Variants in ADAM32 observed in about 807,000 individuals in gnomAD.
ADAM32 encodes the protein disintegrin and metalloproteinase domain-containing protein 32.
In ADAM32, 89 loss-of-function variants were observed where a neutral mutation model predicts 114.9. The ratio of observed to expected loss-of-function variants is 0.77; its 90% confidence interval spans 0.65 to 0.92. ADAM32 has a LOEUF of 0.92. ADAM32 is among the 40% of genes least tolerant of loss of function. The pLI is 0.00. For synonymous variants in ADAM32, 285 were observed against 307.5 expected (o/e 0.93, Z 0.77); for missense variants, 870 against 932.8 (o/e 0.93, Z 0.88).
chr8:39,151,282 C>T (rs1056567045), intron 5 of ADAM32, 95 bp from the exon 6 acceptor site: 11 of 1,124,074 alleles, frequency 9.8e-6, no homozygotes, highest in Non-Finnish European at 1.2e-5. Context: ...ATACTGGACT[C>T]AAAACGTTTT....
chr8:39,209,226 G>A (rs375254374), intron 11 of ADAM32, among the ~76,000 whole-genome samples: 12 of 151,892 alleles, frequency 7.9e-5, no homozygotes, highest in East Asian at 1.9e-4. Context: ...GTTTGTGCTC[G>A]TGAATTCTTC....
At chr8:39,210,338 C>T (rs1329136326) in intron 11 of ADAM32, among the ~76,000 whole-genome samples, 2 of 152,188 alleles carry the variant, frequency 1.3e-5, no homozygotes, top group African/African-American at 2.4e-5. Flanking sequence ...CATTCCTATG[C>T]TCTTCAATGT....
chr8:39,181,347 C>T (rs1057096677), intron 10 of ADAM32, among the ~76,000 whole-genome samples: 11 of 152,196 alleles, frequency 7.2e-5, no homozygotes, highest in East Asian at 5.8e-4. Context: ...TCACTGCGAA[C>T]GTCTGCAGCT....
At chr8:39,119,630 T>C (rs916857238) in intron 2 of ADAM32, among the ~76,000 whole-genome samples, 2 of 152,216 alleles carry the variant, frequency 1.3e-5, no homozygotes, top group African/African-American at 2.4e-5. Flanking sequence ...GGAATTATTT[T>C]CTCCCAATTT....
In ADAM32 at chr8:39,117,211, G is replaced by C. The variant is rs188016689; in HGVS notation, c.59-875G>C. Among the ~76,000 whole-genome samples the C allele has an allele frequency of 3.3e-5, 5 of 152,222 alleles. No individual in the cohort carries two copies. In the East Asian group the frequency reaches 9.7e-4, roughly 29 times the overall value. On this transcript the variant is annotated intron_variant, in intron 1 of 24. Transcript: ENST00000379907. ...TAAGCAGATTTAAGGAAATCAGTAT[G>C]CTTATGTGATCTTCCTCTTCTTCTG...
Position 39,127,366 on chromosome 8 carries a change from G to A in ADAM32, c.138+9201G>A, listed in dbSNP as rs117783412. 6.8e-3 allele frequency among the ~76,000 whole-genome samples: 1,032 copies of A among 152,190 alleles called. 3 individuals are homozygous for A. Among genetic ancestry groups the A allele is most frequent in the Non-Finnish European group, 0.011 (741 of 68,008 alleles). Reference sequence around the variant, plus strand: ...TGCCTCACTTTCAGAACTTGTTATTGGTCTATTCAGGGATTTAGTTTCTTC... The same window carrying A: ...TGCCTCACTTTCAGAACTTGTTATTAGTCTATTCAGGGATTTAGTTTCTTC... On this transcript the variant is annotated intron_variant, in intron 2 of 24. Coordinates refer to ENST00000379907, the MANE Select transcript of ADAM32 (RefSeq NM_145004.7).
At chr8:39,245,795 T>C (rs1024330760) in intron 16 of ADAM32, among the ~76,000 whole-genome samples, 4 of 152,214 alleles carry the variant, frequency 2.6e-5, no homozygotes, top group African/African-American at 9.6e-5. Flanking sequence ...TAAAACTCTC[T>C]TATTATTTAA....
chr8:39,245,824 T>C (rs967767560), intron 16 of ADAM32, among the ~76,000 whole-genome samples: 12 of 152,210 alleles, frequency 7.9e-5, no homozygotes, highest in Admixed American at 7.9e-4. Flanking sequence ...CTTTTTGTTA[T>C]TGTTTTAATT....
chr8:39,215,977 G>A (rs1156730697), intron 12 of ADAM32, among the ~76,000 whole-genome samples: 1 of 151,952 alleles, frequency 6.6e-6, no homozygotes, highest in Non-Finnish European at 1.5e-5. Flanking sequence ...TGGAAGGTCT[G>A]CTGAGTGCTA....
At chr8:39,141,146 T>A (rs908419292) in intron 3 of ADAM32, among the ~76,000 whole-genome samples, 7 of 152,206 alleles carry the variant, frequency 4.6e-5, no homozygotes, top group African/African-American at 1.7e-4. Context: ...AACCAGCTCC[T>A]GGATTCATTA....
chr8:39,155,165 A>C (rs1804067812), intron 6 of ADAM32, among the ~76,000 whole-genome samples: 1 of 152,252 alleles, frequency 6.6e-6, no homozygotes, highest in Admixed American at 6.5e-5. Flanking sequence ...GAAAACTGAC[A>C]CAAGACAAAG....
At chr8:39,220,902 ATGT>A (rs1473563636) in intron 12 of ADAM32, 4 of 150,750 alleles carry the variant, frequency 2.7e-5, no homozygotes, top group Non-Finnish European at 4.4e-5. Flanking sequence ...GTTTGAAGAA[ATGT>A]TGTGTTAGGT....
intron 16 of ADAM32, among the ~76,000 whole-genome samples, chr8:39,238,398 A>T (rs960250992): frequency 2.6e-5 from 4 of 152,226 alleles, no homozygotes; most frequent in African/African-American, 9.6e-5. Context: ...ACATCAAGGG[A>T]TTACCCTGTG....
chr8:39,225,466 T>G (rs1809296579), intron 14 of ADAM32, among the ~76,000 whole-genome samples: 2 of 152,204 alleles, frequency 1.3e-5, no homozygotes. Flanking sequence ...CTGTGGCTAC[T>G]GCATGGTCAC....
chr8:39,135,168 A>T (rs963183270), intron 2 of ADAM32, among the ~76,000 whole-genome samples: 1 of 152,192 alleles, frequency 6.6e-6, no homozygotes. Context: ...GAAAAAAACA[A>T]AAACAAAAAA....
chr8:39,203,568 G>T (rs1339145952), intron 11 of ADAM32, among the ~76,000 whole-genome samples: 1 of 152,104 alleles, frequency 6.6e-6, no homozygotes, highest in Admixed American at 6.5e-5. Context: ...ACACTGATGG[G>T]TCTTGACTCT....
At chr8:39,212,518 T>A (rs1047109256) in intron 12 of ADAM32, among the ~76,000 whole-genome samples, 4 of 152,198 alleles carry the variant, frequency 2.6e-5, no homozygotes, top group African/African-American at 9.6e-5. Context: ...AATTTCTGAT[T>A]CTGTTACCTT....
chr8:39,284,300 A>G (rs1430778762), intron 24 of ADAM32, among the ~76,000 whole-genome samples: 2 of 152,066 alleles, frequency 1.3e-5, no homozygotes, highest in East Asian at 1.9e-4. Flanking sequence ...ATTAGGCAGC[A>G]TAGGCTATAA....
chr8:39,273,188 A>C (rs181662759), intron 20 of ADAM32, among the ~76,000 whole-genome samples: 11 of 152,074 alleles, frequency 7.2e-5, no homozygotes, highest in Non-Finnish European at 1.3e-4. Context: ...AAGCAAAAGG[A>C]GTACGCTCTA....
Sources: gnomAD v4.1 joint callset for allele counts (sites outside exome capture counted in the v4.1 genomes callset) on GRCh38, gnomAD v4.1.1 for gene constraint, MANE v1.5 for transcripts, NCBI Gene and HGNC (gene_info 2026-07-23, HGNC 2026-07-21) for gene names.